The following IQCK variants were observed in gnomAD, a reference collection of about 807,000 sequenced individuals.
The protein encoded by IQCK is IQ motif containing K.
Under a neutral mutation model 28.1 loss-of-function variants are expected in IQCK, and 29 were observed. The ratio of observed to expected loss-of-function variants is 1.03; its 90% confidence interval spans 0.77 to 1.41. IQCK has a LOEUF of 1.41. IQCK is among the 40% of genes most tolerant of loss of function. The pLI, the probability that IQCK is intolerant of heterozygous loss-of-function variation, is 0.00. For missense variants in IQCK, 359 were observed against 314.7 expected (o/e 1.14, Z -1.07); for synonymous variants, 113 against 115.1 (o/e 0.98, Z 0.12).
At chr16:19,741,069 G>A (rs979044407) in intron 4 of IQCK, among the ~76,000 whole-genome samples, 6 of 152,022 alleles carry the variant, frequency 3.9e-5, no homozygotes, top group Admixed American at 3.9e-4. Flanking sequence ...GCTGTGTGCT[G>A]ATCATGAGGC....
At chr16:19,743,738 T>C (rs1350689645) in intron 4 of IQCK, among the ~76,000 whole-genome samples, 1 of 152,202 alleles carries the variant, frequency 6.6e-6, no homozygotes, top group African/African-American at 2.4e-5. Flanking sequence ...ACTCTGATGG[T>C]CAGTCACACA....
intron 6 of IQCK, among the ~76,000 whole-genome samples, chr16:19,776,407 G>T (rs185890393): frequency 6.6e-6 from 1 of 152,260 alleles, no homozygotes. Context: ...GTGTGAGACA[G>T]CTTGAAAGAT....
At chr16:19,760,966 T>C (rs1486801967) in intron 4 of IQCK, among the ~76,000 whole-genome samples, 1 of 152,202 alleles carries the variant, frequency 6.6e-6, no homozygotes, top group Non-Finnish European at 1.5e-5. Flanking sequence ...TAAACTGTCA[T>C]GGTGCTGCTG....
rs540006290 is a variant in IQCK, at chr16:19,727,130, C to CAA, written c.182-3288_182-3287dup. 1.6e-4 allele frequency among the ~76,000 whole-genome samples: 16 copies of CAA among 98,930 alleles called. 1 individual carries two copies. The highest frequency in any genetic ancestry group is 5.3e-4 in the African/African-American group (15 of 28,090). 64.9% of individuals were successfully genotyped at this position (98,930 alleles called of 152,430 possible). ...TGGGCGACGGAGCAAGACTCGGTCT[C>CAA]AAAAAAAAAAAAAGAAAGAAAGAAA... On this transcript the variant is annotated intron_variant, in intron 1 of 7. Coordinates refer to ENST00000564186, the Ensembl canonical transcript of IQCK.
intron 6 of IQCK, among the ~76,000 whole-genome samples, chr16:19,767,262 A>G (rs772817070): frequency 1.3e-5 from 2 of 152,134 alleles, no homozygotes; most frequent in African/African-American, 2.4e-5. Context: ...AACCAGCTCA[A>G]TTCACCCTCT....
chr16:19,775,155 A>C (rs2055372792), intron 6 of IQCK, among the ~76,000 whole-genome samples: 1 of 147,912 alleles, frequency 6.8e-6, no homozygotes, highest in African/African-American at 2.5e-5. Context: ...TGAACCCGGG[A>C]GGTGGAGATT....
chr16:19,736,419 C>T lies in IQCK; in HGVS notation c.474+969C>T, dbSNP rs116457949. 3.6e-3 allele frequency among the ~76,000 whole-genome samples: 533 copies of T among 149,766 alleles called. 2 individuals carry two copies. Among genetic ancestry groups the T allele is most frequent in the African/African-American group, 0.012 (509 of 40,866 alleles). On this transcript the variant is annotated intron_variant, in intron 4 of 7. Coordinates refer to ENST00000564186, the Ensembl canonical transcript of IQCK. ...CTGGGACTACGGGTATGCACCACCA[C>T]GCCTGACTGATTGATTGATTGATTG...
chr16:19,761,599 T>C (rs1233394757), intron 4 of IQCK: 32 of 277,164 alleles, frequency 1.2e-4, no homozygotes, highest in Non-Finnish European at 1.5e-5. Flanking sequence ...CCGATTTCCA[T>C]AACAATTCTC....
At chr16:19,737,801 C>T (rs2054778645) in intron 4 of IQCK, among the ~76,000 whole-genome samples, 1 of 152,080 alleles carries the variant, frequency 6.6e-6, no homozygotes, top group Non-Finnish European at 1.5e-5. Context: ...TTCGCTGCAC[C>T]AACCCCCACC....
chr16:19,747,596 A>T (rs1217049554), intron 4 of IQCK, among the ~76,000 whole-genome samples: 1 of 151,950 alleles, frequency 6.6e-6, no homozygotes, highest in Non-Finnish European at 1.5e-5. Flanking sequence ...CCCAAATAAC[A>T]CACATTGTAC....
intron 4 of IQCK, among the ~76,000 whole-genome samples, chr16:19,748,814 A>C (rs1297260197): frequency 3.9e-5 from 6 of 152,204 alleles, no homozygotes; most frequent in Non-Finnish European, 5.9e-5. Context: ...AGAAATAATG[A>C]TGAGCTTAGA....
Position 19,856,472 on chromosome 16 carries a change from T to C in IQCK, c.803-15T>C. 6.2e-7 allele frequency: 1 copy of C among 1,611,102 alleles called. No individual in the cohort carries two copies. The highest frequency in any genetic ancestry group is 8.5e-7 in the Non-Finnish European group (1 of 1,177,758). On this transcript the variant is annotated splice_polypyrimidine_tract_variant and intron_variant, in intron 9 of 9. Coordinates refer to the IQCK transcript ENST00000320394. The stretch of plus-strand genomic sequence containing the variant: ...ATGTAAATTGATCCTGACTTTCCCT[T>C]TCTTTTCTTTGCAGTGAAATGCAAA...
chr16:19,829,509 G>A (rs376838542), downstream of IQCK, among the ~76,000 whole-genome samples: 15 of 151,872 alleles, frequency 9.9e-5, no homozygotes, highest in South Asian at 1.3e-3. Flanking sequence ...GCTAATTTTC[G>A]TTTTTTTCGT....
intron 6 of IQCK, among the ~76,000 whole-genome samples, chr16:19,785,540 C>G (rs1474054774): frequency 6.6e-6 from 1 of 152,194 alleles, no homozygotes; most frequent in African/African-American, 2.4e-5. Flanking sequence ...TTTTCAAATC[C>G]CAAAATTTCC....
intron 7 of IQCK, among the ~76,000 whole-genome samples, chr16:19,821,018 C>T (rs2056064744): frequency 6.6e-6 from 1 of 152,122 alleles, no homozygotes; most frequent in Admixed American, 6.5e-5. Flanking sequence ...CAATGAGATG[C>T]CACTTCATAT....
At chr16:19,729,676 G>T (rs901419580) in intron 1 of IQCK, among the ~76,000 whole-genome samples, 3 of 150,596 alleles carry the variant, frequency 2.0e-5, no homozygotes, top group Non-Finnish European at 4.4e-5. Context: ...ATGGAGTCTC[G>T]CTCTGTCGCC....
chr16:19,835,280 C>G (rs2056280564), intron 9 of IQCK, among the ~76,000 whole-genome samples: 1 of 151,846 alleles, frequency 6.6e-6, no homozygotes, highest in Non-Finnish European at 1.5e-5. Flanking sequence ...AAGACTCTGT[C>G]TCAAAAAAAT....
intron 2 of IQCK, among the ~76,000 whole-genome samples, chr16:19,730,773 A>G (rs533124711): frequency 2.0e-5 from 3 of 152,000 alleles, no homozygotes; most frequent in Admixed American, 1.3e-4. Flanking sequence ...TTATCTATCT[A>G]TCTACCTAAT....
At chr16:19,726,585 G>A (rs1245096508) in intron 1 of IQCK, among the ~76,000 whole-genome samples, 1 of 152,100 alleles carries the variant, frequency 6.6e-6, no homozygotes, top group Admixed American at 6.6e-5. Flanking sequence ...AGAGTACACT[G>A]GTTAAATAAA....
Sources: gnomAD v4.1 joint callset for allele counts (sites outside exome capture counted in the v4.1 genomes callset) on GRCh38, gnomAD v4.1.1 for gene constraint, MANE v1.5 for transcripts, NCBI Gene and HGNC (gene_info 2026-07-23, HGNC 2026-07-21) for gene names.